SLIT3: variants seen among roughly 807,000 people sequenced by gnomAD.
The protein encoded by SLIT3 is slit guidance ligand 3, also known as slit homolog 3 protein.
A neutral mutation model predicts 184.0 loss-of-function variants in SLIT3; 68 were observed. The observed-to-expected ratio is 0.37, with a 90% CI of 0.30 to 0.45. The LOEUF (loss-of-function observed/expected upper bound fraction) is 0.45, where lower values mean the gene tolerates loss of function less well. Among genes scored for constraint, SLIT3 ranks in the 20% least tolerant of loss-of-function variants. The probability of loss-of-function intolerance (pLI) is 1.00; values close to 1 mark genes in which losing one functional copy is unlikely to be tolerated. For synonymous variants in SLIT3, 831 were observed against 828.6 expected, an observed-to-expected ratio of 1.00 and a Z score of -0.05; for missense variants, 1,707 against 2,026.0, an observed-to-expected ratio of 0.84 and a Z score of 3.02.
intron 7 of SLIT3, among the ~76,000 whole-genome samples, chr5:168,821,497 C>T (rs79027397): frequency 0.041 from 6,313 of 152,222 alleles, 441 homozygotes; most frequent in African/African-American, 0.14. Context: ...CTGTGGTTTG[C>T]TGGGAACTTT....
At chr5:168,698,814 C>T (rs754694068) in intron 27 of SLIT3, among the ~76,000 whole-genome samples, 48 of 152,302 alleles carry the variant, frequency 3.2e-4, no homozygotes, top group Admixed American at 7.2e-4. Flanking sequence ...CCTTCCACCC[C>T]ATTTCCCTGA....
At chr5:169,169,048 T>A (rs2113412272) in intron 4 of SLIT3, among the ~76,000 whole-genome samples, 1 of 151,104 alleles carries the variant, frequency 6.6e-6, no homozygotes, top group East Asian at 2.0e-4. Flanking sequence ...GGGGGGGGGA[T>A]CACCTTTTTC....
At chr5:168,931,130 G>A (rs945289017) in intron 4 of SLIT3, among the ~76,000 whole-genome samples, 1 of 152,204 alleles carries the variant, frequency 6.6e-6, no homozygotes, top group African/African-American at 2.4e-5. Flanking sequence ...TATAGCCCAT[G>A]ATTTGGGAGG....
At chr5:168,853,742 C>T (rs1758757721) in intron 5 of SLIT3, among the ~76,000 whole-genome samples, 1 of 152,216 alleles carries the variant, frequency 6.6e-6, no homozygotes, top group African/African-American at 2.4e-5. Flanking sequence ...TGCTGCTCCT[C>T]TGGAAACAGC....
At chr5:169,248,554 A>G (rs1765674300) in intron 2 of SLIT3, among the ~76,000 whole-genome samples, 1 of 152,182 alleles carries the variant, frequency 6.6e-6, no homozygotes, top group South Asian at 2.1e-4. Context: ...GGACACCCAG[A>G]AAGGCTGTCC....
Position 168,734,246 on chromosome 5 carries a change from C to T in SLIT3, c.2271-9762G>A, listed in dbSNP as rs148327595. ...AAATACCTTCACAGCAACATCTAGA[C>T]CAAGTATGTGACCAAACAACCGAGC... is the stretch of plus-strand genomic sequence containing the variant. On this transcript the variant is annotated intron_variant, in intron 20 of 35. Transcript: ENST00000519560. Among the ~76,000 whole-genome samples, 789 of 152,330 alleles carry T rather than the reference C, an allele frequency of 5.2e-3. 5 individuals are homozygous for T. Among genetic ancestry groups the T allele is most frequent in the Non-Finnish European group, 9.4e-3 (637 of 68,034 alleles).
chr5:168,785,040 C>A (rs929802956), intron 12 of SLIT3, among the ~76,000 whole-genome samples: 1 of 151,874 alleles, frequency 6.6e-6, no homozygotes, highest in South Asian at 2.1e-4. Flanking sequence ...TGTATCTCTC[C>A]GAGACTTGGT....
At position 168,671,440 on chromosome 5, in the gene SLIT3, C is replaced by T. The variant is rs776928464; in HGVS notation, c.3885G>A (p.Thr1295=). Reference sequence around the variant, plus strand: ...CGTGGAAGCCGCCTAGAGGCCGGTCCGTGCCCTGGCGCAAGGCAGAGAGGC... The same window carrying T: ...CGTGGAAGCCGCCTAGAGGCCGGTCTGTGCCCTGGCGCAAGGCAGAGAGGC... ...STGLSALRQG[T]DRPLGGFHGC... is the part of the protein sequence containing the mutation. The change falls in exon 34 of 36, where the codon ACG becomes ACA. Residue 1295 remains threonine, a synonymous_variant. Coordinates refer to ENST00000519560, the MANE Select transcript of SLIT3 (RefSeq NM_003062.4). 8.1e-6 allele frequency: 13 copies of T among 1,613,230 alleles called. No homozygotes were observed. The highest frequency in any genetic ancestry group is 4.0e-5 in the African/African-American group (3 of 74,918).
chr5:168,863,824 C>T (rs539307995), intron 5 of SLIT3, among the ~76,000 whole-genome samples: 1 of 152,274 alleles, frequency 6.6e-6, no homozygotes, highest in African/African-American at 2.4e-5. Context: ...TGAAAAGCAA[C>T]ACCCTTCTGC....
chr5:168,817,456 G>A lies in SLIT3; in HGVS notation c.637C>T (p.His213Tyr). The A allele has an allele frequency of 6.2e-7, 1 of 1,613,926 alleles. No homozygotes were observed. The highest frequency in any genetic ancestry group is 8.5e-7 in the Non-Finnish European group (1 of 1,180,012). The change falls in exon 8 of 36, where the codon CAC (histidine) becomes TAC (tyrosine). Residue 213 changes from histidine (H) to tyrosine (Y), a missense_variant. This residue lies in a region of SLIT3 where 1,307 missense variants were observed against 1,511.6 expected (regional missense o/e 0.86). Coordinates refer to ENST00000519560, the MANE Select transcript of SLIT3 (RefSeq NM_003062.4). ...HMPKIRTLRL[H>Y]SNHLYCDCHL... The stretch of plus-strand genomic sequence containing the variant: ...CAGTCGCAGTACAGGTGGTTGGAGT[G>A]GAGGCGCCTGGGAGAGGGCGGGACA...
chr5:169,143,113 A>G (rs1008694803), intron 4 of SLIT3, among the ~76,000 whole-genome samples: 2 of 152,140 alleles, frequency 1.3e-5, no homozygotes, highest in African/African-American at 4.8e-5. Flanking sequence ...ACCCAAATAA[A>G]CCTTATTAAT....
intron 13 of SLIT3, among the ~76,000 whole-genome samples, chr5:168,773,416 C>T (rs1755635100): frequency 6.6e-6 from 1 of 152,162 alleles, no homozygotes; most frequent in Admixed American, 6.5e-5. Context: ...CATAAGAGCA[C>T]CATGGGTCTT....
intron 16 of SLIT3, among the ~76,000 whole-genome samples, chr5:168,757,423 TTTG>T (rs1174600035): frequency 6.6e-6 from 1 of 152,112 alleles, no homozygotes; most frequent in Non-Finnish European, 1.5e-5. Context: ...AACCCCTATT[TTTG>T]TTGTTGTTAT....
chr5:169,144,337 T>C (rs1761856570), intron 4 of SLIT3, among the ~76,000 whole-genome samples: 1 of 152,246 alleles, frequency 6.6e-6, no homozygotes, highest in Non-Finnish European at 1.5e-5. Flanking sequence ...GGGGCCATCT[T>C]TCCTCATTAC....
intron 4 of SLIT3, among the ~76,000 whole-genome samples, chr5:168,961,806 T>TAAGA (rs1763018286): frequency 1.3e-5 from 2 of 152,020 alleles, no homozygotes; most frequent in Non-Finnish European, 2.9e-5. Context: ...GGTAGGAACT[T>TAAGA]TAATGTTTAT....
At chr5:168,993,247 C>T (rs993719559) in intron 4 of SLIT3, among the ~76,000 whole-genome samples, 3 of 152,210 alleles carry the variant, frequency 2.0e-5, no homozygotes, top group African/African-American at 7.2e-5. Context: ...GCCAGGTGCT[C>T]GAGGCGCTGC....
At chr5:169,263,802 G>T (rs1487243270) in intron 1 of SLIT3, 3 of 410,942 alleles carry the variant, frequency 7.3e-6, no homozygotes, top group East Asian at 8.9e-5. Context: ...AACTCATTTT[G>T]GTCTTTCATC....
At chr5:168,847,495 C>T (rs533805166) in intron 5 of SLIT3, among the ~76,000 whole-genome samples, 2 of 152,356 alleles carry the variant, frequency 1.3e-5, no homozygotes, top group South Asian at 4.1e-4. Context: ...CCAGCTCTTA[C>T]ATCTCCATGG....
At chr5:169,207,156 T>G (rs1764098927) in intron 3 of SLIT3, among the ~76,000 whole-genome samples, 2 of 151,892 alleles carry the variant, frequency 1.3e-5, no homozygotes, top group Non-Finnish European at 2.9e-5. Flanking sequence ...CTCACCTCGC[T>G]CACTCCCACC....
Sources: allele counts gnomAD v4.1 joint callset (sites outside exome capture counted in the v4.1 genomes callset), GRCh38; gene constraint gnomAD v4.1.1; regional missense constraint gnomAD v4.1.1; transcripts MANE v1.5; gene names NCBI Gene and HGNC (gene_info 2026-07-23, HGNC 2026-07-21).